Variants in SCHIP1 observed in about 807,000 individuals in gnomAD.
The protein encoded by SCHIP1 is schwannomin-interacting protein 1.
SCHIP1 carries 8 observed loss-of-function variants against 29.7 expected under a neutral mutation model. The ratio of observed to expected loss-of-function variants is 0.27; its 90% confidence interval spans 0.16 to 0.49. The LOEUF (loss-of-function observed/expected upper bound fraction) is 0.49, where lower values mean the gene tolerates loss of function less well. Ranked by LOEUF, SCHIP1 falls within the 20% of genes least tolerant of loss-of-function variation. SCHIP1 has a pLI of 0.99. For synonymous variants in SCHIP1, 76 were observed against 94.9 expected (o/e 0.80, Z 1.16); for missense variants, 193 against 294.6 (o/e 0.66, Z 2.52).
At chr3:159,586,017 T>C in the SCHIP1 span, among the ~76,000 whole-genome samples, 1 of 152,050 alleles carries the variant, frequency 6.6e-6, no homozygotes, top group Non-Finnish European at 1.5e-5. Flanking sequence ...AGGCTGGCTG[T>C]TACATTCAGC....
At chr3:159,526,194 T>C in the SCHIP1 span, among the ~76,000 whole-genome samples, 2 of 152,372 alleles carry the variant, frequency 1.3e-5, no homozygotes, top group South Asian at 4.1e-4. Context: ...TTTTATTTTA[T>C]TGAGACAGAG....
intron 1 of SCHIP1, among the ~76,000 whole-genome samples, chr3:159,844,901 A>C (rs1023813379): frequency 6.6e-6 from 1 of 152,198 alleles, no homozygotes; most frequent in African/African-American, 2.4e-5. Context: ...GAAGAAGAAA[A>C]AGTAAAATAG....
chr3:159,678,782 C>A, the SCHIP1 span, among the ~76,000 whole-genome samples: 4 of 152,190 alleles, frequency 2.6e-5, no homozygotes, highest in Non-Finnish European at 2.9e-5. Flanking sequence ...AGAAAACTTA[C>A]AATCGTGGTG....
At chr3:159,724,257 C>T in the SCHIP1 span, among the ~76,000 whole-genome samples, 59 of 152,124 alleles carry the variant, frequency 3.9e-4, no homozygotes, top group African/African-American at 1.4e-3. Flanking sequence ...AAAATAACTC[C>T]TTATATGTTA....
the SCHIP1 span, among the ~76,000 whole-genome samples, chr3:159,492,663 T>C: frequency 1.3e-5 from 2 of 152,196 alleles, no homozygotes; most frequent in Non-Finnish European, 2.9e-5. Flanking sequence ...TGGAACCAAG[T>C]TGGAAAACAC....
the SCHIP1 span, among the ~76,000 whole-genome samples, chr3:159,770,607 G>A: frequency 3.3e-5 from 5 of 152,264 alleles, no homozygotes; most frequent in East Asian, 1.9e-4. Context: ...AAATAAGAAC[G>A]GCTTGATCAC....
chr3:159,400,633 T>C, the SCHIP1 span, among the ~76,000 whole-genome samples: 1 of 152,162 alleles, frequency 6.6e-6, no homozygotes, highest in African/African-American at 2.4e-5. Context: ...AGTGAATGAG[T>C]CTGACTGTGG....
the SCHIP1 span, among the ~76,000 whole-genome samples, chr3:159,285,047 C>T: frequency 9.5e-3 from 1,447 of 152,018 alleles, 14 homozygotes; most frequent in African/African-American, 0.014. Context: ...AATGACAATT[C>T]TAAAAATGTT....
the SCHIP1 span, among the ~76,000 whole-genome samples, chr3:159,471,371 A>G: frequency 6.6e-6 from 1 of 152,168 alleles, no homozygotes; most frequent in Non-Finnish European, 1.5e-5. Context: ...AGGAAGAGAA[A>G]GATTCTTCAG....
chr3:159,278,055 G>T, the SCHIP1 span, among the ~76,000 whole-genome samples: 1 of 152,316 alleles, frequency 6.6e-6, no homozygotes, highest in East Asian at 1.9e-4. Flanking sequence ...TGGTGTGTGT[G>T]CATGTGTAGC....
At chr3:159,869,465 T>A (rs918599869) in intron 2 of SCHIP1, among the ~76,000 whole-genome samples, 10 of 151,954 alleles carry the variant, frequency 6.6e-5, no homozygotes, top group African/African-American at 2.4e-4. Context: ...TATGACCATT[T>A]TTTTATCATA....
the SCHIP1 span, among the ~76,000 whole-genome samples, chr3:159,524,680 A>G: frequency 1.3e-5 from 2 of 152,288 alleles, no homozygotes; most frequent in South Asian, 2.1e-4. Flanking sequence ...GATGTTAGGG[A>G]TTGTGTAAAT....
At chr3:159,286,022 T>C in the SCHIP1 span, among the ~76,000 whole-genome samples, 3 of 152,210 alleles carry the variant, frequency 2.0e-5, no homozygotes, top group Non-Finnish European at 2.9e-5. Flanking sequence ...TTAACAACAG[T>C]TAATTAGATT....
the SCHIP1 span, among the ~76,000 whole-genome samples, chr3:159,405,065 C>A: frequency 9.8e-5 from 15 of 152,314 alleles, no homozygotes; most frequent in African/African-American, 3.6e-4. Context: ...GTAGGAGCCA[C>A]TCCATTACTG....
At chr3:159,370,409 C>G in the SCHIP1 span, among the ~76,000 whole-genome samples, 1 of 152,182 alleles carries the variant, frequency 6.6e-6, no homozygotes, top group Admixed American at 6.5e-5. Context: ...ATTTCTTATG[C>G]CCTTTCCAGC....
At chr3:159,627,671 G>A in the SCHIP1 span, among the ~76,000 whole-genome samples, 1 of 152,160 alleles carries the variant, frequency 6.6e-6, no homozygotes, top group Admixed American at 6.5e-5. Flanking sequence ...GCCAGGTTGA[G>A]CCTATGATGA....
chr3:159,518,537 A>T, the SCHIP1 span, among the ~76,000 whole-genome samples: 4 of 152,116 alleles, frequency 2.6e-5, no homozygotes, highest in African/African-American at 9.7e-5. Flanking sequence ...ACATTCTGAG[A>T]TGCTCTATTA....
intron 1 of SCHIP1, among the ~76,000 whole-genome samples, chr3:159,860,007 G>GTGTC (rs1234574778): frequency 1.6e-4 from 24 of 151,674 alleles, no homozygotes; most frequent in African/African-American, 2.9e-4. Context: ...GTGTGTGTGT[G>GTGTC]TGTCTGTCTG....
chr3:159,280,534 T>C, the SCHIP1 span, among the ~76,000 whole-genome samples: 1 of 152,154 alleles, frequency 6.6e-6, no homozygotes, highest in East Asian at 1.9e-4. Context: ...GTCGGCTCAA[T>C]TCCCGTTAGT....
Sources: gnomAD v4.1 joint callset for allele counts (sites outside exome capture counted in the v4.1 genomes callset) on GRCh38, gnomAD v4.1.1 for gene constraint, MANE v1.5 for transcripts, NCBI Gene and HGNC (gene_info 2026-07-23, HGNC 2026-07-21) for gene names.